The following ARHGEF17 variants were observed in gnomAD, a reference collection of about 807,000 sequenced individuals.
ARHGEF17 encodes the protein Rho guanine nucleotide exchange factor 17.
A neutral mutation model predicts 174.0 loss-of-function variants in ARHGEF17; 80 were observed. That is an observed-to-expected ratio of 0.46 (90% CI 0.38 to 0.55). ARHGEF17 has a LOEUF of 0.55. Ranked by LOEUF, ARHGEF17 falls within the 20% of genes least tolerant of loss-of-function variation. ARHGEF17 has a pLI of 0.00. For synonymous variants in ARHGEF17, 1,311 were observed against 1,189.1 expected (o/e 1.10, Z -2.11); for missense variants, 2,886 against 2,839.7 (o/e 1.02, Z -0.37).
chr11:73,343,673 C>G (rs1865413347), intron 1 of ARHGEF17, among the ~76,000 whole-genome samples: 3 of 152,240 alleles, frequency 2.0e-5, no homozygotes, highest in Middle Eastern at 3.4e-3. Context: ...GCCGCTGGGC[C>G]TGCTGGCCCT....
chr11:73,309,390 G>T lies in ARHGEF17; in HGVS notation c.752G>T (p.Ser251Ile). Residue 251 changes from serine (S) to isoleucine (I), a missense_variant, in exon 1 of 21, where the codon AGC becomes ATC. Coordinates refer to ENST00000263674, the MANE Select transcript of ARHGEF17 (RefSeq NM_014786.4). ...PVSRSRAASS[S>I]EEEEEGPPQL... The stretch of plus-strand genomic sequence containing the variant: ...AGCCGCAGTCGTGCTGCCAGCTCCA[G>T]CGAGGAGGAAGAGGAGGGCCCGCCG... 4 of 1,571,322 alleles carry T rather than the reference G, an allele frequency of 2.5e-6. No individual in the cohort carries two copies. The highest frequency in any genetic ancestry group is 3.5e-6 in the Non-Finnish European group (4 of 1,157,516).
chr11:73,311,846 G>T lies in ARHGEF17; in HGVS notation c.3192+16G>T. On this transcript the variant is annotated intron_variant, in intron 1 of 20. Coordinates refer to ENST00000263674, the MANE Select transcript of ARHGEF17 (RefSeq NM_014786.4). ...GCCACAGGTGGTGAGTCCTTTGTAG[G>T]GGCCTTCAGATTGGGGCCAAAGAAG... The T allele has an allele frequency of 6.3e-7, 1 of 1,577,862 alleles. No homozygotes were observed. The highest frequency in any genetic ancestry group is 1.1e-5 in the South Asian group (1 of 87,802).
At chr11:73,313,233 C>T (rs1438792351) in intron 1 of ARHGEF17, among the ~76,000 whole-genome samples, 1 of 151,968 alleles carries the variant, frequency 6.6e-6, no homozygotes, top group Non-Finnish European at 1.5e-5. Flanking sequence ...GGGAGCGGGG[C>T]GTTTTGAACC....
intron 1 of ARHGEF17, among the ~76,000 whole-genome samples, chr11:73,346,047 A>C (rs1161653715): frequency 6.6e-6 from 1 of 152,058 alleles, no homozygotes; most frequent in Non-Finnish European, 1.5e-5. Flanking sequence ...CATCCCAGAC[A>C]GGGATGAGCA....
intron 2 of ARHGEF17, among the ~76,000 whole-genome samples, chr11:73,349,745 TCTCCCAGA>T (rs1323143965): frequency 6.6e-6 from 1 of 152,020 alleles, no homozygotes; most frequent in Non-Finnish European, 1.5e-5. Flanking sequence ...CTCCGCCAAA[TCTCCCAGA>T]CCCGTCCAGG....
chr11:73,364,987 C>A (rs1224004711), intron 18 of ARHGEF17: 1 of 295,070 alleles, frequency 3.4e-6, no homozygotes, highest in African/African-American at 2.2e-5. Flanking sequence ...GCAACGGGTT[C>A]CCTTAATTTC....
At chr11:73,327,202 C>T (rs1865116438) in intron 1 of ARHGEF17, among the ~76,000 whole-genome samples, 1 of 152,224 alleles carries the variant, frequency 6.6e-6, no homozygotes, top group Admixed American at 6.5e-5. Context: ...TGCCTGCCCC[C>T]TGCTGACACC....
chr11:73,343,869 G>A (rs1371330023), intron 1 of ARHGEF17, among the ~76,000 whole-genome samples: 2 of 152,160 alleles, frequency 1.3e-5, no homozygotes, highest in African/African-American at 4.8e-5. Context: ...GTGCAATGAT[G>A]TGTCTCTCCA....
chr11:73,333,075 C>G (rs1023947697), intron 1 of ARHGEF17, among the ~76,000 whole-genome samples: 18 of 152,198 alleles, frequency 1.2e-4, no homozygotes, highest in African/African-American at 4.3e-4. Flanking sequence ...CTCACTGAGC[C>G]TTGCTTTACC....
At chr11:73,362,268 A>C in intron 13 of ARHGEF17, 29 bp downstream of exon 13, 1 of 1,483,014 alleles carries the variant, frequency 6.7e-7, no homozygotes, top group Non-Finnish European at 8.9e-7. Context: ...GGTGGGCGGC[A>C]CCGCGGGCCT....
rs1392937330 is a variant in ARHGEF17 at position 73,308,440 on chromosome 11, C to T, written c.-199C>T. 2 of 480,356 alleles carry T rather than the reference C, an allele frequency of 4.2e-6. No individual in the cohort carries two copies. The highest frequency in any genetic ancestry group is 6.8e-6 in the Non-Finnish European group (2 of 294,434). 29.8% of individuals were successfully genotyped at this position (480,356 alleles called of 1,614,324 possible). Reference sequence around the variant, plus strand: ...CGGCGCTGAGGCGGGAGGGGCCGCCCGGGATGGAGACGTTGCGGCCGGTGG... The same window carrying T: ...CGGCGCTGAGGCGGGAGGGGCCGCCTGGGATGGAGACGTTGCGGCCGGTGG... On this transcript the variant is annotated 5_prime_UTR_variant, in exon 1 of 21. Transcript: ENST00000263674.
intron 3 of ARHGEF17, 124 bp downstream of exon 3, chr11:73,353,136 A>G (rs1865583793): frequency 1.5e-6 from 2 of 1,292,148 alleles, no homozygotes; most frequent in African/African-American, 1.6e-5. Flanking sequence ...AGATCTGACC[A>G]TAGAACTTGG....
intron 1 of ARHGEF17, among the ~76,000 whole-genome samples, chr11:73,330,125 T>C (rs1247041316): frequency 2.6e-5 from 4 of 152,260 alleles, no homozygotes; most frequent in African/African-American, 9.6e-5. Flanking sequence ...TGGCCTTTTG[T>C]TTTTATCAGT....
At chr11:73,316,513 CCTGT>C (rs1401870540) in intron 1 of ARHGEF17, among the ~76,000 whole-genome samples, 3 of 152,120 alleles carry the variant, frequency 2.0e-5, no homozygotes, top group Non-Finnish European at 2.9e-5. Context: ...ATCAGGAATG[CCTGT>C]CTGAGGAGGT....
chr11:73,308,613 G>GCC lies in ARHGEF17; in HGVS notation c.-20_-19dup. 7.0e-7 allele frequency: 1 copy of GCC among 1,425,122 alleles called. No homozygotes were observed. The highest frequency in any genetic ancestry group is 9.1e-7 in the Non-Finnish European group (1 of 1,093,602). 88.3% of individuals were successfully genotyped at this position (1,425,122 alleles called of 1,614,324 possible). A position where few individuals can be genotyped will look rare whatever the true frequency, so the allele number is the denominator to read the frequency against. On this transcript the variant is annotated 5_prime_UTR_variant, in exon 1 of 21. Coordinates refer to ENST00000263674, the MANE Select transcript of ARHGEF17 (RefSeq NM_014786.4). ...GGTTGGCCGCGGCTGCCCGAGGCCA[G>GCC]CCCCCCCGGAGTGAGTTACGCCACT...
At chr11:73,338,440 A>G (rs2134405327) in intron 1 of ARHGEF17, among the ~76,000 whole-genome samples, 1 of 152,306 alleles carries the variant, frequency 6.6e-6, no homozygotes, top group Middle Eastern at 3.4e-3. Context: ...GGAAATGGAT[A>G]GCCCATTAGG....
chr11:73,347,455 C>A (rs1317402070), intron 2 of ARHGEF17, among the ~76,000 whole-genome samples: 1 of 152,150 alleles, frequency 6.6e-6, no homozygotes, highest in Non-Finnish European at 1.5e-5. Context: ...CTAGAAACAT[C>A]GAGGGGCACC....
At chr11:73,325,644 A>T (rs1865090210) in intron 1 of ARHGEF17, among the ~76,000 whole-genome samples, 1 of 152,254 alleles carries the variant, frequency 6.6e-6, no homozygotes, top group African/African-American at 2.4e-5. Flanking sequence ...GTGAGGACCG[A>T]GCCTGAGACC....
intron 3 of ARHGEF17, 151 bp downstream of exon 3, chr11:73,353,163 AC>A (rs1865584335): frequency 9.7e-7 from 1 of 1,029,948 alleles, no homozygotes; most frequent in African/African-American, 1.7e-5. Context: ...ATTGGTACTT[AC>A]CCCAGCCCCT....
Sources: allele counts gnomAD v4.1 joint callset (sites outside exome capture counted in the v4.1 genomes callset), GRCh38; gene constraint gnomAD v4.1.1; transcripts MANE v1.5; gene names NCBI Gene and HGNC (gene_info 2026-07-23, HGNC 2026-07-21).